The following MINDY2 variants were observed in gnomAD, a reference collection of about 807,000 sequenced individuals.
The protein encoded by MINDY2 is ubiquitin carboxyl-terminal hydrolase MINDY-2.
Under a neutral mutation model 68.2 loss-of-function variants are expected in MINDY2, and 52 were observed. The observed-to-expected ratio is 0.76, with a 90% confidence interval of 0.61 to 0.96. The LOEUF (loss-of-function observed/expected upper bound fraction) is 0.96. Among genes scored for constraint, MINDY2 ranks in the 40% least tolerant of loss-of-function variants. MINDY2 has a pLI of 0.00. For synonymous variants in MINDY2, 372 were observed against 303.0 expected (o/e 1.23, Z -2.36); for missense variants, 881 against 773.4 (o/e 1.14, Z -1.65).
chr15:58,788,024 A>T (rs1422849867), intron 2 of MINDY2, 61 bp downstream of exon 2: 13 of 1,161,110 alleles, frequency 1.1e-5, no homozygotes, highest in Non-Finnish European at 1.5e-5. Flanking sequence ...AAGCTAGTTG[A>T]TTACCCAGTC....
At chr15:58,839,587 C>T (rs543365136) in intron 6 of MINDY2, among the ~76,000 whole-genome samples, 19 of 152,128 alleles carry the variant, frequency 1.2e-4, no homozygotes, top group Non-Finnish European at 2.4e-4. Context: ...CCACCTTGGC[C>T]TCCCAAAGTG....
intron 2 of MINDY2, among the ~76,000 whole-genome samples, chr15:58,794,360 T>G (rs60627319): frequency 0.011 from 1,118 of 100,784 alleles, 6 homozygotes; most frequent in African/African-American, 0.044. Context: ...TTTTTTGGGG[T>G]GTGTGTGTGT....
chr15:58,794,396 T>TGTGTGTGTGTGTGTGTGTG (rs1567045810), intron 2 of MINDY2, among the ~76,000 whole-genome samples: 1 of 147,792 alleles, frequency 6.8e-6, no homozygotes, highest in African/African-American at 2.5e-5. Flanking sequence ...TGTGTGTGTG[T>TGTGTGTGTGTGTGTGTGTG]TTTAAGAATA....
intron 5 of MINDY2, among the ~76,000 whole-genome samples, chr15:58,829,378 A>G (rs1303750879): frequency 1.3e-5 from 2 of 152,234 alleles, no homozygotes; most frequent in Non-Finnish European, 2.9e-5. Flanking sequence ...TTTAATATCC[A>G]TAATAATTCT....
chr15:58,839,196 CAAG>C lies in MINDY2; in HGVS notation c.1368+7282_1368+7284del, dbSNP rs372758095. ...GAGATGTTTGAGCTGTGGGCTTTGA[CAAG>C]AGGGGAAGGGAGGTATATATGCTTT... is the stretch of plus-strand genomic sequence containing the variant. On this transcript the variant is annotated intron_variant, in intron 6 of 8. Transcript: ENST00000559228. Among the ~76,000 whole-genome samples the C allele has an allele frequency of 4.5e-3, 682 of 152,032 alleles. 3 individuals carry two copies. The highest frequency in any genetic ancestry group is 0.016 in the African/African-American group (647 of 41,464).
Position 58,860,836 on chromosome 15 carries a change from A to G in MINDY2, c.*6226A>G, listed in dbSNP as rs2033199298. On this transcript the variant is annotated 3_prime_UTR_variant, in exon 9 of 9. Transcript: ENST00000559228. ...CAGAATTTTTATTATTGTTTTTCAC[A>G]TATGTGAAATAAGCAGTTTTTTCAG... The G allele has an allele frequency of 1.3e-5, 2 of 152,178 alleles. No homozygotes were observed. The highest frequency in any genetic ancestry group is 4.8e-5 in the African/African-American group (2 of 41,442). The allele number at this position is 152,178 out of a possible 1,614,324, so 9.4% of individuals were successfully genotyped here.
At chr15:58,839,657 C>T (rs1238020614) in intron 6 of MINDY2, among the ~76,000 whole-genome samples, 4 of 151,932 alleles carry the variant, frequency 2.6e-5, no homozygotes, top group Non-Finnish European at 5.9e-5. Flanking sequence ...TGGTGATCCT[C>T]TATACACCAA....
intron 1 of MINDY2, among the ~76,000 whole-genome samples, chr15:58,773,034 T>A (rs1357653280): frequency 6.6e-6 from 1 of 152,174 alleles, no homozygotes; most frequent in East Asian, 1.9e-4. Context: ...ATGAAGTGTC[T>A]CATTTAAGCT....
At chr15:58,792,908 G>A (rs1902037796) in intron 2 of MINDY2, among the ~76,000 whole-genome samples, 1 of 151,938 alleles carries the variant, frequency 6.6e-6, no homozygotes, top group Non-Finnish European at 1.5e-5. Flanking sequence ...AGGCTGAGGT[G>A]GGAGGATCAC....
intron 2 of MINDY2, among the ~76,000 whole-genome samples, chr15:58,792,498 C>T (rs1203620839): frequency 2.0e-5 from 3 of 152,022 alleles, no homozygotes; most frequent in East Asian, 1.9e-4. Flanking sequence ...TCCAGCTACT[C>T]GGGAGGATGA....
In MINDY2 at chr15:58,772,101, C is replaced by T. The variant is rs1018675607; in HGVS notation, c.706C>T (p.Arg236Cys). Residue 236 changes from arginine (R) to cysteine (C), a missense_variant, in exon 1 of 9, where the codon CGC becomes TGC. Arg to Cys is a radical substitution (Grantham distance 180). Transcript: ENST00000559228. ...TAQVLAASKERFPGQSVYHIK... is the reference protein window; with the variant it reads ...TAQVLAASKECFPGQSVYHIK... Reference sequence around the variant, plus strand: ...TCAGGTGCTGGCGGCCTCCAAGGAACGCTTCCCGGGACAATCTGTGTATCA... The same window carrying T: ...TCAGGTGCTGGCGGCCTCCAAGGAATGCTTCCCGGGACAATCTGTGTATCA... The T allele has an allele frequency of 4.3e-6, 7 of 1,613,644 alleles. No individual in the cohort carries two copies. The Admixed American group carries it at 6.7e-5, about 15-fold the overall frequency.
intron 6 of MINDY2, among the ~76,000 whole-genome samples, chr15:58,843,245 G>A (rs1650209982): frequency 6.6e-6 from 1 of 152,110 alleles, no homozygotes; most frequent in Admixed American, 6.6e-5. Flanking sequence ...TATCTCTTGG[G>A]TTCAAGCGAT....
rs1277911582 is a variant in MINDY2 at position 58,860,671 on chromosome 15, T to A, written c.*6061T>A. ...AAATAGGCCTTGTAACTGAAATACC[T>A]TACAAAGCAGTTCTAACTAATGCAA... On this transcript the variant is annotated 3_prime_UTR_variant, in exon 9 of 9. Coordinates refer to ENST00000559228, the MANE Select transcript of MINDY2 (RefSeq NM_001040450.3). 6.6e-6 allele frequency: 1 copy of A among 152,228 alleles called. No homozygotes were observed. Among genetic ancestry groups the A allele is most frequent in the South Asian group, 2.1e-4 (1 of 4,824 alleles). The allele number at this position is 152,228 out of a possible 1,614,324, so 9.4% of individuals were successfully genotyped here. A position where few individuals can be genotyped will look rare whatever the true frequency, so the allele number is the denominator to read the frequency against.
At chr15:58,774,497 A>AG (rs1900654430) in intron 1 of MINDY2, among the ~76,000 whole-genome samples, 1 of 151,752 alleles carries the variant, frequency 6.6e-6, no homozygotes, top group South Asian at 2.1e-4. Context: ...AAAAAGAAAA[A>AG]AAAAAAAAAA....
intron 8 of MINDY2, among the ~76,000 whole-genome samples, chr15:58,852,709 T>C (rs942234499): frequency 4.5e-4 from 68 of 152,276 alleles, no homozygotes; most frequent in African/African-American, 1.5e-3. Flanking sequence ...TTAAGTTTGT[T>C]GTGAAGAACA....
chr15:58,785,166 A>T lies in MINDY2; in HGVS notation c.841-2740A>T, dbSNP rs1901412125. Among the ~76,000 whole-genome samples the T allele has an allele frequency of 3.5e-5, 5 of 142,428 alleles. No individual in the cohort carries two copies. In the South Asian group the frequency reaches 8.9e-4, roughly 25 times the overall value. The allele number at this position is 142,428 out of a possible 152,430, so 93.4% of individuals were successfully genotyped here. ...AAAAAAAAAAAAAAAAAAGAAAAGC[A>T]AGCTTTTGGGAAGATCTTAGATGGT... On this transcript the variant is annotated intron_variant, in intron 1 of 8. Transcript: ENST00000559228.
chr15:58,774,787 C>T (rs1900676766), intron 1 of MINDY2, among the ~76,000 whole-genome samples: 1 of 152,146 alleles, frequency 6.6e-6, no homozygotes, highest in Non-Finnish European at 1.5e-5. Context: ...GTTTCTTCTA[C>T]TTGGAACCTT....
At chr15:58,852,457 C>T (rs765255338) in intron 8 of MINDY2, among the ~76,000 whole-genome samples, 1 of 151,978 alleles carries the variant, frequency 6.6e-6, no homozygotes, top group African/African-American at 2.4e-5. Flanking sequence ...TCCTGAGGTT[C>T]TGATTTTCAA....
chr15:58,801,175 T>C (rs149377776), intron 2 of MINDY2, among the ~76,000 whole-genome samples: 208 of 152,076 alleles, frequency 1.4e-3, no homozygotes, highest in African/African-American at 4.7e-3. Context: ...GATTTCACCA[T>C]GTTGGCCAGG....
Sources: allele counts gnomAD v4.1 joint callset (sites outside exome capture counted in the v4.1 genomes callset), GRCh38; gene constraint gnomAD v4.1.1; transcripts MANE v1.5; gene names NCBI Gene and HGNC (gene_info 2026-07-23, HGNC 2026-07-21).